ATG3: variants seen among roughly 807,000 people sequenced by gnomAD.
The protein encoded by ATG3 is ubiquitin-like-conjugating enzyme ATG3.
ATG3 carries 25 observed loss-of-function variants against 50.7 expected under a neutral mutation model. That is an observed-to-expected ratio of 0.49 (90% CI 0.36 to 0.69). The LOEUF is 0.69. ATG3 is among the 30% of genes least tolerant of loss of function. The pLI is 0.00. For synonymous variants in ATG3, 119 were observed against 125.5 expected, an observed-to-expected ratio of 0.95 and a Z score of 0.34; for missense variants, 281 against 376.0, an observed-to-expected ratio of 0.75 and a Z score of 2.09.
intron 3 of ATG3, among the ~76,000 whole-genome samples, chr3:112,550,829 G>A (rs73229368): frequency 4.2e-4 from 64 of 152,288 alleles, no homozygotes; most frequent in Middle Eastern, 3.4e-3. Context: ...TTTATTGAGT[G>A]CTTATTGAGT....
rs185992713 is a variant in ATG3, at chr3:112,540,196, C to T, written c.475+1607G>A. Among the ~76,000 whole-genome samples the T allele has an allele frequency of 1.9e-4, 29 of 152,274 alleles. 1 individual carries two copies. Among genetic ancestry groups the T allele is most frequent in the East Asian group, 1.7e-3 (9 of 5,192 alleles). On this transcript the variant is annotated intron_variant, in intron 7 of 11. Transcript: ENST00000283290. Reference sequence around the variant, plus strand: ...CAGCAGTTTACCATGAAAATAAGGACAAGAATCTCACTAAAATTTAGGAAC... The same window carrying T: ...CAGCAGTTTACCATGAAAATAAGGATAAGAATCTCACTAAAATTTAGGAAC...
chr3:112,533,117 G>C (rs1314617406), intron 11 of ATG3: 9 of 999,348 alleles, frequency 9.0e-6, no homozygotes, highest in African/African-American at 1.7e-5. Flanking sequence ...AAGTTTGCTA[G>C]AGTTATGTCA....
At position 112,549,821 on chromosome 3, in the gene ATG3, C is replaced by T. The variant is rs1428017224; in HGVS notation, c.235+371G>A. Among the ~76,000 whole-genome samples the T allele has an allele frequency of 2.1e-5, 3 of 142,892 alleles. No homozygotes were observed. The South Asian group carries it at 6.7e-4, about 32-fold the overall frequency. The allele number at this position is 142,892 out of a possible 152,430, so 93.7% of individuals were successfully genotyped here. ...ACCAAAAAAAAAAAAAAAAAAACCA[C>T]TACCTGTTTCAAAATATTTTTGTGT... On this transcript the variant is annotated intron_variant, in intron 4 of 11. Coordinates refer to ENST00000283290, the MANE Select transcript of ATG3 (RefSeq NM_022488.5).
intron 2 of ATG3, among the ~76,000 whole-genome samples, chr3:112,555,826 TAG>T (rs1437235418): frequency 2.0e-5 from 3 of 152,224 alleles, no homozygotes; most frequent in Non-Finnish European, 1.5e-5. Flanking sequence ...TGGATTTTTT[TAG>T]AGAGGAAAAT....
intron 3 of ATG3, among the ~76,000 whole-genome samples, chr3:112,551,001 G>C (rs1043183601): frequency 6.6e-6 from 1 of 152,186 alleles, no homozygotes; most frequent in Non-Finnish European, 1.5e-5. Context: ...TCAAAGCCAA[G>C]TGACTTCAGG....
chr3:112,547,475 T>A (rs1456095272), intron 5 of ATG3, among the ~76,000 whole-genome samples: 1 of 152,116 alleles, frequency 6.6e-6, no homozygotes, highest in Non-Finnish European at 1.5e-5. Flanking sequence ...GGGAGAAAAA[T>A]TTGTTTTTAG....
intron 11 of ATG3, chr3:112,533,448 G>C (rs1314187954): frequency 1.0e-6 from 1 of 985,180 alleles, no homozygotes; most frequent in Non-Finnish European, 1.2e-6. Context: ...GGTTTGGACT[G>C]GAAGTTTTTG....
chr3:112,555,059 T>G (rs1227668889), intron 2 of ATG3, among the ~76,000 whole-genome samples: 2 of 152,180 alleles, frequency 1.3e-5, no homozygotes, highest in East Asian at 3.8e-4. Flanking sequence ...AAGTAATAAT[T>G]TAACTAAATG....
chr3:112,554,326 C>T (rs921095873), intron 2 of ATG3, among the ~76,000 whole-genome samples: 1 of 152,200 alleles, frequency 6.6e-6, no homozygotes, highest in Non-Finnish European at 1.5e-5. Context: ...TGACACTCCA[C>T]CATTGTGATT....
At chr3:112,558,840 G>A (rs932058606) in intron 1 of ATG3, among the ~76,000 whole-genome samples, 1 of 151,826 alleles carries the variant, frequency 6.6e-6, no homozygotes, top group Non-Finnish European at 1.5e-5. Context: ...GGGTTCAAGC[G>A]ATTCTCCTGC....
intron 9 of ATG3, among the ~76,000 whole-genome samples, chr3:112,537,126 C>T (rs1349970152): frequency 6.6e-6 from 1 of 151,828 alleles, no homozygotes; most frequent in Non-Finnish European, 1.5e-5. Flanking sequence ...GGAGTCACAG[C>T]CAAGCTCTGT....
At chr3:112,557,364 A>G (rs1441872931) in intron 2 of ATG3, among the ~76,000 whole-genome samples, 5 of 149,378 alleles carry the variant, frequency 3.3e-5, no homozygotes, top group South Asian at 2.4e-4. Context: ...AGCCGGGCGC[A>G]GTGGCTCAAG....
chr3:112,544,807 A>G (rs1014526062), intron 5 of ATG3, among the ~76,000 whole-genome samples: 1 of 152,144 alleles, frequency 6.6e-6, no homozygotes, highest in African/African-American at 2.4e-5. Flanking sequence ...TGGGACCAGA[A>G]GTATTTCTGA....
Position 112,561,611 on chromosome 3 carries a change from C to G in ATG3, c.-83G>C. On this transcript the variant is annotated 5_prime_UTR_variant, in exon 1 of 12. Transcript: ENST00000283290. ...GGGCCAGGGAGTCAGAAAATGTCCT[C>G]GCTGCCACCGACTCGCATCAGCACC... The G allele has an allele frequency of 7.2e-7, 1 of 1,384,892 alleles. No homozygotes were observed. The highest frequency in any genetic ancestry group is 9.9e-7 in the Non-Finnish European group (1 of 1,008,294). The allele number at this position is 1,384,892 out of a possible 1,614,324, so 85.8% of individuals were successfully genotyped here.
chr3:112,554,990 T>C (rs977444484), intron 2 of ATG3, among the ~76,000 whole-genome samples: 5 of 152,218 alleles, frequency 3.3e-5, no homozygotes, highest in African/African-American at 9.6e-5. Flanking sequence ...TTCGAGCTCA[T>C]TGCAACCAGA....
chr3:112,532,675 A>T lies in ATG3; in HGVS notation c.*24T>A. 1 of 1,498,344 alleles carries T rather than the reference A, an allele frequency of 6.7e-7. No individual in the cohort carries two copies. The highest frequency in any genetic ancestry group is 9.0e-7 in the Non-Finnish European group (1 of 1,108,352). 92.8% of individuals were successfully genotyped at this position (1,498,344 alleles called of 1,614,324 possible). On this transcript the variant is annotated 3_prime_UTR_variant, in exon 12 of 12. Transcript: ENST00000283290. ...TCTTTAAAAATCAGAACCAATAATT[A>T]GGATAGATTTTATGCTCTCTTCATT... is the stretch of plus-strand genomic sequence containing the variant.
chr3:112,556,890 GAA>G (rs1286605364), intron 2 of ATG3, among the ~76,000 whole-genome samples: 1 of 151,958 alleles, frequency 6.6e-6, no homozygotes, highest in Non-Finnish European at 1.5e-5. Flanking sequence ...AAACACTGCG[GAA>G]GGCCACAGGG....
intron 9 of ATG3, 78 bp downstream of exon 9, chr3:112,537,657 C>A: frequency 1.8e-6 from 2 of 1,124,440 alleles, no homozygotes; most frequent in Non-Finnish European, 1.2e-6. Flanking sequence ...AATAAATACT[C>A]ATGGACCTAA....
rs756281129 is a variant in ATG3 at position 112,534,286 on chromosome 3, T to C, written c.846A>G (p.Gly282=). The stretch of plus-strand genomic sequence containing the variant: ...AAGGATACATATGAACTCCAAGTTC[T>C]CCCCCTCCTTCTGCAACAGTCTCAA... The part of the protein sequence containing the change: ...KIIETVAEGG[G]ELGVHMYLLI... Residue 282 remains glycine (G), a synonymous_variant, in exon 11 of 12, where the codon GGA becomes GGG. Transcript: ENST00000283290. 1 of 1,591,772 alleles carries C rather than the reference T, an allele frequency of 6.3e-7. No individual in the cohort carries two copies. The highest frequency in any genetic ancestry group is 1.7e-5 in the Admixed American group (1 of 57,392).
Sources: gnomAD v4.1 joint callset for allele counts (sites outside exome capture counted in the v4.1 genomes callset) on GRCh38, gnomAD v4.1.1 for gene constraint, MANE v1.5 for transcripts, NCBI Gene and HGNC (gene_info 2026-07-23, HGNC 2026-07-21) for gene names.